The following NEMP2 variants were observed in gnomAD, a reference collection of about 807,000 sequenced individuals.
NEMP2 encodes the protein UPF0571 transmembrane protein.
A neutral mutation model predicts 54.2 loss-of-function variants in NEMP2; 53 were observed. The ratio of observed to expected loss-of-function variants is 0.98; its 90% CI spans 0.78 to 1.23. NEMP2 has a LOEUF of 1.23. Ranked by LOEUF, NEMP2 falls within the 50% of genes most tolerant of loss-of-function variation. The pLI is 0.00. For missense variants in NEMP2, 455 were observed against 511.3 expected, an observed-to-expected ratio of 0.89 and a Z score of 1.06; for synonymous variants, 197 against 190.3, an observed-to-expected ratio of 1.04 and a Z score of -0.29.
At chr2:190,490,806 C>T in the NEMP2 span, among the ~76,000 whole-genome samples, 7 of 152,276 alleles carry the variant, frequency 4.6e-5, no homozygotes, top group South Asian at 6.2e-4. The surrounding 1 kb of genome is among the most constrained non-coding windows in gnomAD (Gnocchi z 4.5). Context: ...CTATCCTTTG[C>T]GGAGCATTAG....
upstream of NEMP2, chr2:190,535,881 G>T (rs1048408056): frequency 6.6e-6 from 1 of 152,206 alleles, no homozygotes; most frequent in African/African-American, 2.4e-5. Flanking sequence ...GTATTCCCAG[G>T]TGCGGTGTGC....
chr2:190,448,938 G>A, the NEMP2 span, among the ~76,000 whole-genome samples: 1 of 152,296 alleles, frequency 6.6e-6, no homozygotes, highest in South Asian at 2.1e-4. Context: ...AGAGCCAAAT[G>A]TGTGTATGTG....
chr2:190,577,173 C>G, the NEMP2 span, among the ~76,000 whole-genome samples: 2 of 152,052 alleles, frequency 1.3e-5, no homozygotes, highest in Non-Finnish European at 2.9e-5. This position sits in a 1 kb window ranked among gnomAD's most constrained non-coding sequence, Gnocchi z 4.8. Context: ...GTATTGGAGC[C>G]AGATTGTTAG....
At chr2:190,546,437 CT>C in the NEMP2 span, among the ~76,000 whole-genome samples, 4 of 152,118 alleles carry the variant, frequency 2.6e-5, no homozygotes, top group African/African-American at 9.7e-5. The surrounding 1 kb of genome is among the most constrained non-coding windows in gnomAD (Gnocchi z 5.1). Context: ...AGAGATTTGA[CT>C]GTCTCTGGAT....
chr2:190,572,789 G>A, the NEMP2 span, among the ~76,000 whole-genome samples: 1 of 129,154 alleles, frequency 7.7e-6, no homozygotes, highest in African/African-American at 2.9e-5. Flanking sequence ...ATTCTTTCCA[G>A]TTCTTCACTA....
chr2:190,567,193 T>A, the NEMP2 span, among the ~76,000 whole-genome samples: 1 of 152,136 alleles, frequency 6.6e-6, no homozygotes, highest in African/African-American at 2.4e-5. This position sits in a 1 kb window ranked among gnomAD's most constrained non-coding sequence, Gnocchi z 4.0. Flanking sequence ...AATATAATTT[T>A]AAAAACTTCA....
chr2:190,534,606 A>AGGGGCGGCAGCC lies in NEMP2; in HGVS notation c.38_49dup (p.Pro16_Leu17insArgLeuProPro). 1.4e-6 allele frequency: 2 copies of AGGGGCGGCAGCC among 1,390,394 alleles called. No homozygotes were observed. The highest frequency in any genetic ancestry group is 3.3e-5 in the Admixed American group (1 of 30,338). The allele number at this position is 1,390,394 out of a possible 1,614,324, so 86.1% of individuals were successfully genotyped here. Reference sequence around the variant, plus strand: ...CTCCCCGCGCACGGGCAGTGTGGCCAGGGGCGGCAGCCAGAGCAGCAGCCA... The same window carrying AGGGGCGGCAGCC: ...CTCCCCGCGCACGGGCAGTGTGGCCAGGGGCGGCAGCCGGGGCGGCAGCCAGAGCAGCAGCCA... On this transcript the variant is annotated inframe_insertion, in exon 1 of 9. Coordinates refer to ENST00000409150, the MANE Select transcript of NEMP2 (RefSeq NM_001142645.2).
At chr2:190,623,069 C>A in the NEMP2 span, among the ~76,000 whole-genome samples, 1 of 151,948 alleles carries the variant, frequency 6.6e-6, no homozygotes, top group Non-Finnish European at 1.5e-5. Context: ...ATCAAGAAAG[C>A]AATCCTATTT....
At chr2:190,423,321 CCTGT>C in the NEMP2 span, among the ~76,000 whole-genome samples, 3 of 152,184 alleles carry the variant, frequency 2.0e-5, no homozygotes, top group Non-Finnish European at 4.4e-5. The surrounding 1 kb of genome is among the most constrained non-coding windows in gnomAD (Gnocchi z 4.3). Context: ...CTGGCAATCA[CCTGT>C]CTATCTCTAT....
chr2:190,490,608 C>G, the NEMP2 span, among the ~76,000 whole-genome samples: 1 of 151,914 alleles, frequency 6.6e-6, no homozygotes, highest in Non-Finnish European at 1.5e-5. The surrounding 1 kb of genome is among the most constrained non-coding windows in gnomAD (Gnocchi z 4.5). Context: ...GACCTGAAAT[C>G]TGAAGTTTTC....
the NEMP2 span, chr2:190,626,153 C>CT: frequency 6.6e-6 from 1 of 152,110 alleles, no homozygotes; most frequent in African/African-American, 2.4e-5. The surrounding 1 kb of genome is among the most constrained non-coding windows in gnomAD (Gnocchi z 4.5). Flanking sequence ...TATAAGGGCA[C>CT]TAATCTTATT....
the NEMP2 span, among the ~76,000 whole-genome samples, chr2:190,493,526 A>C: frequency 1.3e-5 from 2 of 152,206 alleles, no homozygotes; most frequent in Non-Finnish European, 2.9e-5. Context: ...CCTGGAACAA[A>C]TGAACTTAAC....
the NEMP2 span, among the ~76,000 whole-genome samples, chr2:190,594,358 T>A: frequency 2.6e-5 from 4 of 152,166 alleles, no homozygotes; most frequent in Non-Finnish European, 5.9e-5. This position sits in a 1 kb window ranked among gnomAD's most constrained non-coding sequence, Gnocchi z 5.6. Flanking sequence ...TACATCATGA[T>A]CATTATTATT....
the NEMP2 span, among the ~76,000 whole-genome samples, chr2:190,616,215 G>T: frequency 6.6e-6 from 1 of 152,180 alleles, no homozygotes; most frequent in Non-Finnish European, 1.5e-5. This position sits in a 1 kb window ranked among gnomAD's most constrained non-coding sequence, Gnocchi z 5.1. Flanking sequence ...AAAATACTTA[G>T]AGAAAAACCC....
the NEMP2 span, among the ~76,000 whole-genome samples, chr2:190,579,241 T>G: frequency 6.6e-6 from 1 of 151,776 alleles, no homozygotes; most frequent in Admixed American, 6.6e-5. Context: ...TAAGGAAATA[T>G]AGTGTAGAAT....
At chr2:190,552,746 G>A in the NEMP2 span, among the ~76,000 whole-genome samples, 147 of 152,096 alleles carry the variant, frequency 9.7e-4, no homozygotes, top group African/African-American at 3.0e-3. Flanking sequence ...TCTTTGCTAC[G>A]TAGAATCCCC....
chr2:190,536,197 T>G (rs938973594), upstream of NEMP2, among the ~76,000 whole-genome samples: 7 of 152,184 alleles, frequency 4.6e-5, no homozygotes, highest in African/African-American at 1.7e-4. Flanking sequence ...GAGGTGATAG[T>G]TCTGTCACTG....
At chr2:190,503,986 C>T (rs772343555), downstream of NEMP2, among the ~76,000 whole-genome samples, 6 of 152,228 alleles carry the variant, frequency 3.9e-5, no homozygotes, top group African/African-American at 7.2e-5. This position sits in a 1 kb window ranked among gnomAD's most constrained non-coding sequence, Gnocchi z 6.3. Context: ...CTGCCATCTG[C>T]TTCAAGCAGC....
the NEMP2 span, among the ~76,000 whole-genome samples, chr2:190,492,968 A>T: frequency 0.48 from 71,694 of 150,100 alleles, 17,426 homozygotes; most frequent in Admixed American, 0.61. This position sits in a 1 kb window ranked among gnomAD's most constrained non-coding sequence, Gnocchi z 5.2. Flanking sequence ...AAATACAATT[A>T]AAAAAAAAAG....
Sources: allele counts gnomAD v4.1 joint callset (sites outside exome capture counted in the v4.1 genomes callset), GRCh38; gene constraint gnomAD v4.1.1; non-coding constraint Gnocchi (gnomAD v3.1); transcripts MANE v1.5; gene names NCBI Gene and HGNC (gene_info 2026-07-23, HGNC 2026-07-21).